The following PTPRD variants were observed in gnomAD, a reference collection of about 807,000 sequenced individuals.
PTPRD encodes protein tyrosine phosphatase receptor type D.
Under a neutral mutation model 214.5 loss-of-function variants are expected in PTPRD, and 34 were observed. That is an observed-to-expected ratio of 0.16 (90% CI 0.12 to 0.21). The LOEUF (loss-of-function observed/expected upper bound fraction) is 0.21. Ranked by LOEUF, PTPRD falls within the 10% of genes least tolerant of loss-of-function variation. The probability of loss-of-function intolerance (pLI) is 1.00; values close to 1 mark genes in which losing one functional copy is unlikely to be tolerated. For synonymous variants in PTPRD, 1,128 were observed against 845.7 expected, an observed-to-expected ratio of 1.33 and a Z score of -5.79; for missense variants, 2,545 against 2,398.7, an observed-to-expected ratio of 1.06 and a Z score of -1.27.
chr9:9,248,186 AG>A (rs2131411604), intron 9 of PTPRD, among the ~76,000 whole-genome samples: 1 of 151,890 alleles, frequency 6.6e-6, no homozygotes, highest in Non-Finnish European at 1.5e-5. Context: ...TTTAACTCCC[AG>A]GTTCAAGTGA....
chr9:9,953,638 T>C (rs2093647812), intron 4 of PTPRD, among the ~76,000 whole-genome samples: 1 of 152,046 alleles, frequency 6.6e-6, no homozygotes. Flanking sequence ...CTGGAGCAAA[T>C]TAACAGTCTG....
chr9:9,118,028 C>G (rs1264961246), intron 10 of PTPRD, among the ~76,000 whole-genome samples: 3 of 152,114 alleles, frequency 2.0e-5, no homozygotes, highest in Admixed American at 6.6e-5. Flanking sequence ...AGTGAGGGAC[C>G]TGAAGCACAA....
chr9:9,752,135 C>T (rs1293314681), intron 6 of PTPRD, among the ~76,000 whole-genome samples: 1 of 152,020 alleles, frequency 6.6e-6, no homozygotes, highest in Admixed American at 6.6e-5. Flanking sequence ...TTTCAATCCC[C>T]TGTAAATGGT....
chr9:9,714,229 A>G (rs140242000), intron 7 of PTPRD, among the ~76,000 whole-genome samples: 75 of 152,242 alleles, frequency 4.9e-4, no homozygotes, highest in African/African-American at 1.8e-3. Context: ...GGGCTATAGC[A>G]CATGTTGTCT....
chr9:9,245,151 G>A (rs1196175087), intron 9 of PTPRD, among the ~76,000 whole-genome samples: 4 of 152,144 alleles, frequency 2.6e-5, no homozygotes, highest in African/African-American at 9.7e-5. Context: ...GTGCTGGAGA[G>A]GATGTGGAGA....
intron 3 of PTPRD, among the ~76,000 whole-genome samples, chr9:10,259,859 C>T (rs1196150643): frequency 2.0e-5 from 3 of 152,158 alleles, no homozygotes; most frequent in East Asian, 3.9e-4. Flanking sequence ...TGTGACGTCA[C>T]ACTTTTGAAG....
chr9:9,541,848 G>C (rs561304096), intron 8 of PTPRD, among the ~76,000 whole-genome samples: 114 of 151,876 alleles, frequency 7.5e-4, no homozygotes, highest in African/African-American at 2.6e-3. Context: ...GTGTATTTTG[G>C]ACTTTCACTG....
intron 3 of PTPRD, among the ~76,000 whole-genome samples, chr9:10,252,386 C>CACTT (rs1398063527): frequency 6.6e-6 from 1 of 152,030 alleles, no homozygotes; most frequent in Non-Finnish European, 1.5e-5. Flanking sequence ...GTTATGTGTA[C>CACTT]ACTTTCAAGC....
chr9:8,328,834 C>T (rs969885903), intron 44 of PTPRD, among the ~76,000 whole-genome samples: 9 of 152,100 alleles, frequency 5.9e-5, no homozygotes, highest in Admixed American at 2.0e-4. Flanking sequence ...TTGATACTTG[C>T]GTATGCTTCA....
chr9:10,272,902 G>A (rs913464016), intron 3 of PTPRD, among the ~76,000 whole-genome samples: 4 of 152,152 alleles, frequency 2.6e-5, no homozygotes, highest in Non-Finnish European at 5.9e-5. Flanking sequence ...TCTTTCTTCT[G>A]TGGGGTGAGC....
At chr9:8,991,058 T>TA (rs200708781) in intron 11 of PTPRD, among the ~76,000 whole-genome samples, 25,508 of 145,392 alleles carry the variant, frequency 0.18, 2,547 homozygotes, top group Non-Finnish European at 0.24. Flanking sequence ...CTACCAAAAA[T>TA]AAAAAAAAAA....
chr9:9,948,347 G>T (rs967654389), intron 4 of PTPRD, among the ~76,000 whole-genome samples: 1 of 152,046 alleles, frequency 6.6e-6, no homozygotes, highest in African/African-American at 2.4e-5. Context: ...AGGAAGGGAT[G>T]TGTATTCCTT....
At chr9:9,679,390 ATAAAG>A (rs1364830502) in intron 7 of PTPRD, among the ~76,000 whole-genome samples, 2 of 151,896 alleles carry the variant, frequency 1.3e-5, no homozygotes, top group African/African-American at 2.4e-5. Context: ...ATCCATAAAT[ATAAAG>A]TAATTACCTA....
intron 9 of PTPRD, among the ~76,000 whole-genome samples, chr9:9,188,215 T>C (rs1378803623): frequency 2.0e-5 from 3 of 152,232 alleles, no homozygotes; most frequent in South Asian, 2.1e-4. Context: ...GTTGGCTACA[T>C]TCATGTTGTA....
intron 10 of PTPRD, among the ~76,000 whole-genome samples, chr9:9,097,796 G>C (rs1296628260): frequency 6.7e-6 from 1 of 148,642 alleles, no homozygotes; most frequent in Admixed American, 6.9e-5. Context: ...ACCTGTCTTT[G>C]TTACGAACTA....
In PTPRD at chr9:9,134,320, G is replaced by C. The variant is rs1478255102; in HGVS notation, c.-143+48984C>G. ...GATCTCCTGACCTCATGATCCACCC[G>C]CCTCGGCCTCCCAAAGTGCTGGGAT... On this transcript the variant is annotated intron_variant, in intron 10 of 45. Transcript: ENST00000381196. 1.5e-5 allele frequency among the ~76,000 whole-genome samples: 2 copies of C among 136,638 alleles called. 1 individual carries two copies. The highest frequency in any genetic ancestry group is 6.6e-5 in the African/African-American group (2 of 30,484). The allele number at this position is 136,638 out of a possible 152,430, so 89.6% of individuals were successfully genotyped here.
intron 3 of PTPRD, among the ~76,000 whole-genome samples, chr9:10,319,448 T>C (rs143435647): frequency 1.0e-3 from 155 of 152,212 alleles, no homozygotes; most frequent in African/African-American, 3.6e-3. Flanking sequence ...GTGGGTGCTC[T>C]CTAGAACCTC....
At chr9:10,348,553 A>G (rs1394830879) in intron 2 of PTPRD, among the ~76,000 whole-genome samples, 1 of 152,190 alleles carries the variant, frequency 6.6e-6, no homozygotes, top group Non-Finnish European at 1.5e-5. Context: ...TTGGTCAGAT[A>G]AAGCATAAAA....
intron 11 of PTPRD, among the ~76,000 whole-genome samples, chr9:8,993,179 C>T (rs1372420473): frequency 7.3e-6 from 1 of 136,506 alleles, no homozygotes; most frequent in African/African-American, 2.7e-5. Context: ...GGAGTAGGGG[C>T]CATTCCCTTG....
Sources: gnomAD v4.1 joint callset for allele counts (sites outside exome capture counted in the v4.1 genomes callset) on GRCh38, gnomAD v4.1.1 for gene constraint, MANE v1.5 for transcripts, NCBI Gene and HGNC (gene_info 2026-07-23, HGNC 2026-07-21) for gene names.